Variants in GPRC5C observed in about 807,000 individuals in gnomAD.
The protein encoded by GPRC5C is G protein-coupled receptor class C group 5 member C, also known as G protein-coupled receptor family C group 5 member C.
In GPRC5C, 22 loss-of-function variants were observed where a neutral mutation model predicts 31.4. That is an observed-to-expected ratio of 0.70 (90% CI 0.50 to 1.00). The LOEUF is 1.00. Ranked by LOEUF, GPRC5C falls within the 50% of genes least tolerant of loss-of-function variation. The probability of loss-of-function intolerance (pLI) is 0.00; values close to 1 mark genes in which losing one functional copy is unlikely to be tolerated. For missense variants in GPRC5C, 557 were observed against 597.2 expected (o/e 0.93, Z 0.70); for synonymous variants, 249 against 257.5 (o/e 0.97, Z 0.32).
chr17:74,446,735 G>T, intron 3 of GPRC5C, 114 bp from the exon 4 acceptor site: 2 of 801,840 alleles, frequency 2.5e-6, no homozygotes, highest in Non-Finnish European at 4.0e-6. Flanking sequence ...GGAGCCGAGG[G>T]GGGAGTTGGG....
chr17:74,443,637 G>C, intron 2 of GPRC5C, 181 bp from the exon 3 acceptor site: 1 of 699,298 alleles, frequency 1.4e-6, no homozygotes, highest in South Asian at 1.5e-5. Context: ...GCTTGGGAGG[G>C]GGCCCCCGTG....
In GPRC5C at chr17:74,440,212, C is replaced by G. The variant is rs79781023; in HGVS notation, c.436C>G (p.Arg146Gly). ...AHVFALNFLARKNHGPRGWVI... is the reference protein window; with the variant it reads ...AHVFALNFLAGKNHGPRGWVI... ...CGTCTTTGCCCTCAACTTCCTGGCC[C>G]GGAAGAACCACGGGCCCCGGGGCTG... The change falls in exon 2 of 4, where the codon CGG (arginine) becomes GGG (glycine). Residue 146 changes from arginine to glycine, a missense_variant. Transcript: ENST00000392627. This position sits in a 1 kb window ranked among gnomAD's most constrained non-coding sequence, Gnocchi z 4.4. 6.2e-7 allele frequency: 1 copy of G among 1,614,066 alleles called. No homozygotes were observed. The highest frequency in any genetic ancestry group is 2.2e-5 in the East Asian group (1 of 44,896).
chr17:74,441,981 A>C (rs2055548914), intron 2 of GPRC5C, among the ~76,000 whole-genome samples: 1 of 152,168 alleles, frequency 6.6e-6, no homozygotes, highest in African/African-American at 2.4e-5. Context: ...TTTAAAAGGA[A>C]GTATTTTTCA....
chr17:74,438,449 C>T (rs529300639), intron 1 of GPRC5C, among the ~76,000 whole-genome samples: 45 of 151,716 alleles, frequency 3.0e-4, no homozygotes, highest in Admixed American at 2.4e-3. Context: ...TTAGTAGAGA[C>T]GGGGTTTCAC....
In GPRC5C at chr17:74,443,837, A is replaced by G; in HGVS notation, c.1071A>G (p.Pro357=). 6.2e-7 allele frequency: 1 copy of G among 1,612,936 alleles called. No homozygotes were observed. Among genetic ancestry groups the G allele is most frequent in the Non-Finnish European group, 8.5e-7 (1 of 1,178,962 alleles). The change falls in exon 3 of 4, where the codon CCA becomes CCG. Residue 357 remains proline, a synonymous_variant. Transcript: ENST00000392627. ...EPVAAKRPVS[P]YSGYNGQLLT... Reference sequence around the variant, plus strand: ...TTGTAGCTAAGAGGCCGGTGTCACCATACAGCGGGTACAATGGGCAGCTGC... The same window carrying G: ...TTGTAGCTAAGAGGCCGGTGTCACCGTACAGCGGGTACAATGGGCAGCTGC...
intron 1 of GPRC5C, among the ~76,000 whole-genome samples, chr17:74,433,236 C>T (rs1250103085): frequency 6.6e-6 from 1 of 151,110 alleles, no homozygotes; most frequent in Non-Finnish European, 1.5e-5. Context: ...CTCTCCCCGC[C>T]GGCCCCCCAC....
At chr17:74,445,975 G>T (rs1255849675) in intron 3 of GPRC5C, 1 of 100,182 alleles carries the variant, frequency 1.0e-5, no homozygotes, top group African/African-American at 3.7e-5. Flanking sequence ...CCCTGGCAAC[G>T]TAGTGAGACC....
downstream of GPRC5C, chr17:74,449,840 T>C (rs1192479935): frequency 1.3e-5 from 2 of 156,366 alleles, no homozygotes; most frequent in East Asian, 1.9e-4. Flanking sequence ...CCATGAGTCT[T>C]TGGAGCCAAG....
chr17:74,450,591 GTGT>G (rs1402181772), downstream of GPRC5C: 4 of 152,278 alleles, frequency 2.6e-5, no homozygotes, highest in African/African-American at 9.6e-5. Context: ...ATGGGCAGAT[GTGT>G]TGTTTCTACC....
chr17:74,439,940 C>A lies in GPRC5C; in HGVS notation c.164C>A (p.Ala55Asp). ...RSGAWGIVLE[A>D]VAGAGIVTTF... is the part of the protein sequence containing the mutation. ...GGGGCGTGGGGCATCGTCCTGGAGG[C>A]CGTGGCTGGGGCGGGCATTGTCACC... Residue 55 changes from alanine to aspartate, a missense_variant, in exon 2 of 4, where the codon GCC (alanine) becomes GAC (aspartate). Transcript: ENST00000392627. 2 of 1,611,496 alleles carry A rather than the reference C, an allele frequency of 1.2e-6. No homozygotes were observed. Among genetic ancestry groups the A allele is most frequent in the Non-Finnish European group, 1.7e-6 (2 of 1,180,000 alleles).
At position 74,447,040 on chromosome 17, in the gene GPRC5C, C is replaced by T. The variant is rs759597829; in HGVS notation, c.*12C>T. 8 of 1,602,000 alleles carry T rather than the reference C, an allele frequency of 5.0e-6. No homozygotes were observed. Among genetic ancestry groups the T allele is most frequent in the Admixed American group, 3.4e-5 (2 of 59,598 alleles). On this transcript the variant is annotated 3_prime_UTR_variant, in exon 4 of 4. Coordinates refer to ENST00000392627, the MANE Select transcript of GPRC5C (RefSeq NM_022036.4). ...ACGTGTGGGACTGAGTCAGCGGTGG[C>T]GAGGAGAGGCGGGCGGATTTGGGGA...
chr17:74,449,328 A>T (rs970350882), downstream of GPRC5C: 2 of 1,300,248 alleles, frequency 1.5e-6, no homozygotes, highest in African/African-American at 1.5e-5. Flanking sequence ...CTTTCTGGTC[A>T]CTTTAGGCTC....
rs1384678878 is a variant in GPRC5C at position 74,440,211 on chromosome 17, C to T, written c.435C>T (p.Ala145=). The T allele has an allele frequency of 1.2e-6, 2 of 1,614,188 alleles. No homozygotes were observed. Among genetic ancestry groups the T allele is most frequent in the South Asian group, 2.2e-5 (2 of 91,090 alleles). ...ACGTCTTTGCCCTCAACTTCCTGGC[C>T]CGGAAGAACCACGGGCCCCGGGGCT... ...AAHVFALNFL[A]RKNHGPRGWV... is the part of the protein sequence containing the mutation. Residue 145 remains alanine, a synonymous_variant, in exon 2 of 4, where the codon GCC becomes GCT. Coordinates refer to ENST00000392627, the MANE Select transcript of GPRC5C (RefSeq NM_022036.4). This position sits in a 1 kb window ranked among gnomAD's most constrained non-coding sequence, Gnocchi z 4.4.
rs139301361 is a variant in GPRC5C, at chr17:74,446,950, C to T, written c.1248C>T (p.Ala416=). 241 of 1,614,046 alleles carry T rather than the reference C, an allele frequency of 1.5e-4. 2 individuals are homozygous for T. The highest frequency in any genetic ancestry group is 2.5e-5 in the Non-Finnish European group (29 of 1,180,012). ...STLRAEDMYS[A]QSHQAATPPK... Reference sequence around the variant, plus strand: ...TGCGGGCTGAAGACATGTACTCGGCCCAGAGCCACCAGGCGGCCACACCGC... The same window carrying T: ...TGCGGGCTGAAGACATGTACTCGGCTCAGAGCCACCAGGCGGCCACACCGC... The change falls in exon 4 of 4, where the codon GCC becomes GCT. Residue 416 remains alanine (A), a synonymous_variant. Transcript: ENST00000392627.
At chr17:74,449,427 A>T, downstream of GPRC5C, 1 of 1,055,036 alleles carries the variant, frequency 9.5e-7, no homozygotes, top group Non-Finnish European at 1.3e-6. Context: ...CCCAGGCTGG[A>T]CCGGGCCCAG....
chr17:74,436,551 C>T (rs1848813210), intron 1 of GPRC5C, among the ~76,000 whole-genome samples: 2 of 152,190 alleles, frequency 1.3e-5, no homozygotes, highest in Admixed American at 1.3e-4. Context: ...CCTACCTTAT[C>T]TCTCTTGATA....
chr17:74,432,277 C>T, intron 1 of GPRC5C, 136 bp downstream of exon 1: 1 of 1,479,924 alleles, frequency 6.8e-7, no homozygotes, highest in Non-Finnish European at 9.0e-7. Context: ...AGCCCACCCT[C>T]GCCGAAAGCA....
At chr17:74,433,788 G>C (rs1320038) in intron 1 of GPRC5C, 7 of 1,528,666 alleles carry the variant, frequency 4.6e-6, no homozygotes, top group Non-Finnish European at 6.4e-6. Flanking sequence ...GCCCTGTGAC[G>C]CGCTGGAGCT....
rs957751466 is a variant in GPRC5C, at chr17:74,440,632, G to A, written c.856G>A (p.Ala286Thr). Reference protein sequence around the residue: ...DDPTLAIALAANAWAFVLFYV... With the variant: ...DDPTLAIALATNAWAFVLFYV... The stretch of plus-strand genomic sequence containing the variant: ...CCCCACGCTGGCCATCGCCCTCGCC[G>A]CCAATGCCTGGGCCTTCGTCCTCTT... The change falls in exon 2 of 4, where the codon GCC (alanine) becomes ACC (threonine). Residue 286 changes from alanine (A) to threonine (T), a missense_variant. Coordinates refer to ENST00000392627, the MANE Select transcript of GPRC5C (RefSeq NM_022036.4). The surrounding 1 kb of genome is among the most constrained non-coding windows in gnomAD (Gnocchi z 4.4). 9.3e-6 allele frequency: 15 copies of A among 1,607,424 alleles called. No homozygotes were observed. Among genetic ancestry groups the A allele is most frequent in the South Asian group, 3.3e-5 (3 of 90,870 alleles).
Sources: gnomAD v4.1 joint callset for allele counts (sites outside exome capture counted in the v4.1 genomes callset) on GRCh38, gnomAD v4.1.1 for gene constraint, Gnocchi (gnomAD v3.1) non-coding constraint, MANE v1.5 for transcripts, NCBI Gene and HGNC (gene_info 2026-07-23, HGNC 2026-07-21) for gene names.